Variants in MTMR7 observed in about 807,000 individuals in gnomAD.
The protein encoded by MTMR7 is myotubularin related protein 7.
In MTMR7, 76 loss-of-function variants were observed where a neutral mutation model predicts 81.2. The observed-to-expected ratio is 0.94, with a 90% confidence interval of 0.78 to 1.13. The LOEUF (loss-of-function observed/expected upper bound fraction) is 1.13, where lower values mean the gene tolerates loss of function less well. MTMR7 is among the 50% of genes most tolerant of loss of function. The probability of loss-of-function intolerance (pLI) is 0.00; values close to 1 mark genes in which losing one functional copy is unlikely to be tolerated. For synonymous variants in MTMR7, 372 were observed against 289.8 expected, an observed-to-expected ratio of 1.28 and a Z score of -2.88; for missense variants, 1,044 against 820.0, an observed-to-expected ratio of 1.27 and a Z score of -3.34.
chr8:17,308,628 T>A (rs1451671778), intron 10 of MTMR7, among the ~76,000 whole-genome samples: 2 of 152,170 alleles, frequency 1.3e-5, no homozygotes, highest in Non-Finnish European at 2.9e-5. Context: ...CTATACCATT[T>A]AAGATTCAAA....
chr8:17,364,223 C>A (rs899685023), intron 3 of MTMR7, among the ~76,000 whole-genome samples: 1 of 151,418 alleles, frequency 6.6e-6, no homozygotes, highest in African/African-American at 2.4e-5. Context: ...TTAGTAGAGA[C>A]GGGTTTTCAC....
chr8:17,366,026 G>C (rs948490623), intron 3 of MTMR7, among the ~76,000 whole-genome samples: 1 of 152,174 alleles, frequency 6.6e-6, no homozygotes, highest in Non-Finnish European at 1.5e-5. Context: ...GGGCACTACA[G>C]TGCAGCTCAG....
intron 7 of MTMR7, among the ~76,000 whole-genome samples, 160 bp from the exon 8 acceptor site, chr8:17,313,561 G>T (rs896446726): frequency 1.3e-5 from 2 of 152,162 alleles, no homozygotes; most frequent in African/African-American, 2.4e-5. Flanking sequence ...TACTAAACTT[G>T]ATTCTATGGA....
Position 17,413,334 on chromosome 8 carries a change from A to G in MTMR7, c.-42T>C. On this transcript the variant is annotated 5_prime_UTR_variant, in exon 1 of 14. Transcript: ENST00000180173. ...CAGGGTCCCGGGCGGGCGCGGCCTC[A>G]CGCACCTGCGCGCCTCTGCGGCGCG... 3 of 1,514,846 alleles carry G rather than the reference A, an allele frequency of 2.0e-6. No homozygotes were observed. The highest frequency in any genetic ancestry group is 1.8e-6 in the Non-Finnish European group (2 of 1,130,938). 93.8% of individuals were successfully genotyped at this position (1,514,846 alleles called of 1,614,324 possible). A position where few individuals can be genotyped will look rare whatever the true frequency, so the allele number is the denominator to read the frequency against.
intron 4 of MTMR7, among the ~76,000 whole-genome samples, chr8:17,357,686 G>C (rs1325892417): frequency 1.3e-5 from 2 of 152,138 alleles, no homozygotes; most frequent in Non-Finnish European, 2.9e-5. Flanking sequence ...CCTATATTTA[G>C]AAATGTAGAC....
chr8:17,377,960 A>T (rs1820639021), intron 1 of MTMR7, among the ~76,000 whole-genome samples: 1 of 152,216 alleles, frequency 6.6e-6, no homozygotes, highest in Non-Finnish European at 1.5e-5. Context: ...GCATAAGATA[A>T]TACTTTGAGG....
At chr8:17,308,323 A>ATTAATAG (rs1484681226) in intron 10 of MTMR7, among the ~76,000 whole-genome samples, 11 of 152,176 alleles carry the variant, frequency 7.2e-5, no homozygotes, top group African/African-American at 2.7e-4. Flanking sequence ...ATAGAACCCC[A>ATTAATAG]AACTGAAAAT....
At chr8:17,377,313 AC>A (rs1473865421) in intron 1 of MTMR7, among the ~76,000 whole-genome samples, 2 of 152,086 alleles carry the variant, frequency 1.3e-5, no homozygotes, top group African/African-American at 4.8e-5. Context: ...ATATTATAAT[AC>A]CTTTACAAAT....
rs1273378137 is a variant in MTMR7, at chr8:17,296,849, A to C, written c.*3013T>G. ...AGTTGAACTATCCCAGTTTCATTCTATACCATTCATTGGATAACCTTGTTA... is the reference window on the plus strand; with the variant it reads ...AGTTGAACTATCCCAGTTTCATTCTCTACCATTCATTGGATAACCTTGTTA... On this transcript the variant is annotated 3_prime_UTR_variant, in exon 14 of 14. Transcript: ENST00000180173. 1.3e-5 allele frequency: 2 copies of C among 152,212 alleles called. No homozygotes were observed. Among genetic ancestry groups the C allele is most frequent in the African/African-American group, 2.4e-5 (1 of 41,472 alleles). 9.4% of individuals were successfully genotyped at this position (152,212 alleles called of 1,614,324 possible).
At chr8:17,402,586 G>A (rs558376123) in intron 1 of MTMR7, among the ~76,000 whole-genome samples, 5 of 152,196 alleles carry the variant, frequency 3.3e-5, no homozygotes, top group South Asian at 2.1e-4. Context: ...TGCAAATGAC[G>A]GGATCTCCTC....
At chr8:17,323,489 C>T (rs989187173) in intron 7 of MTMR7, among the ~76,000 whole-genome samples, 4 of 151,954 alleles carry the variant, frequency 2.6e-5, no homozygotes, top group African/African-American at 9.7e-5. Context: ...CAAGAGAAGT[C>T]GACACTGGGA....
chr8:17,350,455 C>T (rs1389103628), intron 4 of MTMR7, among the ~76,000 whole-genome samples: 1 of 152,120 alleles, frequency 6.6e-6, no homozygotes, highest in Non-Finnish European at 1.5e-5. Flanking sequence ...AGCATTAGAT[C>T]TTGTGAGACT....
At chr8:17,365,704 AT>A (rs939785825) in intron 3 of MTMR7, among the ~76,000 whole-genome samples, 3 of 152,210 alleles carry the variant, frequency 2.0e-5, no homozygotes, top group Non-Finnish European at 4.4e-5. Context: ...TGCACCTTTA[AT>A]TTTTAAAAAA....
At chr8:17,302,344 G>C (rs1168193622) in intron 12 of MTMR7, 64 bp from the exon 13 acceptor site, 2 of 1,527,798 alleles carry the variant, frequency 1.3e-6, no homozygotes, top group South Asian at 1.3e-5. Context: ...ACATCCTCAA[G>C]TCTTCTAAGG....
At chr8:17,392,426 T>C (rs1260282500) in intron 1 of MTMR7, among the ~76,000 whole-genome samples, 1 of 152,224 alleles carries the variant, frequency 6.6e-6, no homozygotes, top group African/African-American at 2.4e-5. Flanking sequence ...AGGTGTACAG[T>C]GCCTTAAAAT....
At chr8:17,350,970 T>G (rs989876028) in intron 4 of MTMR7, among the ~76,000 whole-genome samples, 4 of 152,152 alleles carry the variant, frequency 2.6e-5, no homozygotes, top group African/African-American at 9.7e-5. Flanking sequence ...TCAGAGAGCT[T>G]TAGCTGGGAA....
intron 13 of MTMR7, chr8:17,301,846 C>A (rs550959851): frequency 7.6e-6 from 3 of 397,144 alleles, no homozygotes; most frequent in Non-Finnish European, 1.3e-5. Flanking sequence ...GTTACTTTTT[C>A]ACACTTTCCA....
intron 13 of MTMR7, 129 bp from the exon 14 acceptor site, chr8:17,300,353 T>C: frequency 9.4e-7 from 1 of 1,064,200 alleles, no homozygotes; most frequent in Non-Finnish European, 1.3e-6. Context: ...CAGAGGGATG[T>C]GAGTTCAAAC....
chr8:17,381,041 T>C lies in MTMR7; in HGVS notation c.25-7801A>G, dbSNP rs143753464. 3.1e-3 allele frequency among the ~76,000 whole-genome samples: 478 copies of C among 152,230 alleles called. 1 individual carries two copies. The highest frequency in any genetic ancestry group is 0.011 in the African/African-American group (464 of 41,542). Reference sequence around the variant, plus strand: ...AAACATCTAATTCCATTCAAAAAGATGCCTATGTGTGGCACTGTGTCAGGT... The same window carrying C: ...AAACATCTAATTCCATTCAAAAAGACGCCTATGTGTGGCACTGTGTCAGGT... On this transcript the variant is annotated intron_variant, in intron 1 of 13. Transcript: ENST00000180173.
Sources: gnomAD v4.1 joint callset for allele counts (sites outside exome capture counted in the v4.1 genomes callset) on GRCh38, gnomAD v4.1.1 for gene constraint, MANE v1.5 for transcripts, NCBI Gene and HGNC (gene_info 2026-07-23, HGNC 2026-07-21) for gene names.